The following CCDC33 variants were observed in gnomAD, a reference collection of about 807,000 sequenced individuals.
CCDC33 encodes the protein coiled-coil domain-containing protein 33.
Under a neutral mutation model 91.9 loss-of-function variants are expected in CCDC33, and 94 were observed. The ratio of observed to expected loss-of-function variants is 1.02; its 90% CI spans 0.87 to 1.21. The LOEUF (loss-of-function observed/expected upper bound fraction) is 1.21. Ranked by LOEUF, CCDC33 falls within the 50% of genes most tolerant of loss-of-function variation. The pLI, the probability that CCDC33 is intolerant of heterozygous loss-of-function variation, is 0.00. For synonymous variants in CCDC33, 396 were observed against 374.5 expected (o/e 1.06, Z -0.66); for missense variants, 940 against 935.5 (o/e 1.00, Z -0.06).
Position 74,272,889 on chromosome 15 carries a change from C to A in CCDC33, c.757C>A (p.Gln253Lys). 7.4e-6 allele frequency: 12 copies of A among 1,614,202 alleles called. No individual in the cohort carries two copies. The highest frequency in any genetic ancestry group is 1.0e-5 in the Non-Finnish European group (12 of 1,180,016). ...TCGCGTCAGCCAGAACGGATGCCCTCAGGTATGTCTCCTCCCCAGTGGTTC... is the reference window on the plus strand; with the variant it reads ...TCGCGTCAGCCAGAACGGATGCCCTAAGGTATGTCTCCTCCCCAGTGGTTC... Reference protein sequence around the residue: ...VPRVSQNGCPQLSKPGGPPEQ... With the variant: ...VPRVSQNGCPKLSKPGGPPEQ... The change falls in exon 7 of 19, where the codon CAG becomes AAG. Residue 253 changes from glutamine to lysine, a missense_variant and splice_region_variant. By Grantham distance (53) the Gln-to-Lys change is moderately conservative. Coordinates refer to ENST00000398814, the MANE Select transcript of CCDC33 (RefSeq NM_025055.5).
At chr15:74,203,089 C>T in exon 1 of CCDC33, 1 of 985,602 alleles carries the variant, frequency 1.0e-6, no homozygotes, top group Non-Finnish European at 1.2e-6. Flanking sequence ...AGCATTACAG[C>T]AACAACCGAG....
chr15:74,279,624 C>T (rs1316004280), intron 7 of CCDC33, among the ~76,000 whole-genome samples: 1 of 152,080 alleles, frequency 6.6e-6, no homozygotes, highest in Non-Finnish European at 1.5e-5. Context: ...CAACCTCTGC[C>T]CCCCCGGGTT....
At position 74,236,475 on chromosome 15, in the gene CCDC33, C is replaced by T. The variant is rs1488997951; in HGVS notation, c.-245C>T. On this transcript the variant is annotated 5_prime_UTR_variant, in exon 1 of 19. Transcript: ENST00000398814. The stretch of plus-strand genomic sequence containing the variant: ...AGGCCCTTCCACCCACAGACCATCT[C>T]GCTGCTGAGAGATCCAGGACCTGCT... 2.1e-6 allele frequency: 1 copy of T among 477,538 alleles called. No homozygotes were observed. Among genetic ancestry groups the T allele is most frequent in the South Asian group, 4.5e-5 (1 of 22,340 alleles). The allele number at this position is 477,538 out of a possible 1,614,324, so 29.6% of individuals were successfully genotyped here.
intron 2 of CCDC33, among the ~76,000 whole-genome samples, chr15:74,252,968 C>T (rs2075753868): frequency 6.6e-6 from 1 of 152,174 alleles, no homozygotes; most frequent in South Asian, 2.1e-4. Context: ...CCCAGCCAGA[C>T]CGAAGCCATA....
intron 11 of CCDC33, among the ~76,000 whole-genome samples, chr15:74,323,154 G>A (rs1365428211): frequency 6.6e-6 from 1 of 151,692 alleles, no homozygotes; most frequent in Admixed American, 6.6e-5. Flanking sequence ...CAACCTCACT[G>A]TCCCCTCAGA....
chr15:74,243,126 C>G (rs1025058900), intron 1 of CCDC33, among the ~76,000 whole-genome samples: 4 of 152,222 alleles, frequency 2.6e-5, no homozygotes, highest in Non-Finnish European at 5.9e-5. Flanking sequence ...GTAGGAAGCC[C>G]CCTGCATGGG....
chr15:74,230,421 C>T (rs923719469), intron 2 of CCDC33, among the ~76,000 whole-genome samples: 1 of 152,108 alleles, frequency 6.6e-6, no homozygotes, highest in Non-Finnish European at 1.5e-5. Context: ...TTATTCAGTC[C>T]CTTGTTACAC....
chr15:74,327,823 G>A (rs879765541), intron 11 of CCDC33, among the ~76,000 whole-genome samples: 3 of 152,158 alleles, frequency 2.0e-5, no homozygotes, highest in Non-Finnish European at 4.4e-5. Flanking sequence ...ACCCGGTTAT[G>A]GACAGGATCG....
At chr15:74,250,309 G>A (rs1555408241) in intron 2 of CCDC33, among the ~76,000 whole-genome samples, 1 of 152,136 alleles carries the variant, frequency 6.6e-6, no homozygotes, top group Non-Finnish European at 1.5e-5. Context: ...AAGTAAAGAG[G>A]ATTCCAGGCT....
upstream of CCDC33, among the ~76,000 whole-genome samples, chr15:74,215,354 T>C (rs1049164862): frequency 6.6e-6 from 1 of 152,124 alleles, no homozygotes; most frequent in African/African-American, 2.4e-5. Flanking sequence ...GAAAGTAGAA[T>C]GGTGGTTGCC....
chr15:74,249,314 G>A lies in CCDC33; in HGVS notation c.185+5166G>A, dbSNP rs142043070. ...ATCCTAGCTAACACAGTGAAACCCC[G>A]TCTCTACTAAAAATACAAAAAAAAT... On this transcript the variant is annotated intron_variant, in intron 2 of 18. Transcript: ENST00000398814. 7.1e-3 allele frequency among the ~76,000 whole-genome samples: 1,077 copies of A among 151,760 alleles called. 11 individuals carry two copies. Among genetic ancestry groups the A allele is most frequent in the African/African-American group, 0.024 (994 of 41,372 alleles).
chr15:74,327,139 C>A lies in CCDC33; in HGVS notation c.1291-3050C>A, dbSNP rs62003707. ...TCTCCATGCCCTGGGGGAGCCCTCTCTCTCAGAGAGCAGCCAGGCTTGGTG... is the reference window on the plus strand; with the variant it reads ...TCTCCATGCCCTGGGGGAGCCCTCTATCTCAGAGAGCAGCCAGGCTTGGTG... On this transcript the variant is annotated intron_variant, in intron 11 of 18. Transcript: ENST00000398814. Among the ~76,000 whole-genome samples, 755 of 152,212 alleles carry A rather than the reference C, an allele frequency of 5.0e-3. 6 individuals are homozygous for A. Among genetic ancestry groups the A allele is most frequent in the Non-Finnish European group, 5.2e-3 (355 of 67,998 alleles).
intron 2 of CCDC33, among the ~76,000 whole-genome samples, chr15:74,231,076 C>T (rs1197009260): frequency 6.6e-6 from 1 of 152,152 alleles, no homozygotes; most frequent in African/African-American, 2.4e-5. Context: ...GCCCAGTAGC[C>T]GTTTACTGAG....
intron 1 of CCDC33, among the ~76,000 whole-genome samples, chr15:74,207,194 G>C (rs1422196645): frequency 6.6e-6 from 1 of 152,132 alleles, no homozygotes; most frequent in Non-Finnish European, 1.5e-5. Flanking sequence ...AATCCTCAAA[G>C]GGCAAAGTGC....
chr15:74,331,434 AC>A, intron 15 of CCDC33, 138 bp downstream of exon 15: 1 of 841,386 alleles, frequency 1.2e-6, no homozygotes, highest in Non-Finnish European at 1.9e-6. Context: ...GGCCTGGGAG[AC>A]CCAGGATTGC....
intron 3 of CCDC33, 78 bp downstream of exon 3, chr15:74,262,651 T>C: frequency 1.3e-6 from 2 of 1,485,298 alleles, no homozygotes; most frequent in Non-Finnish European, 1.8e-6. Flanking sequence ...AGAAGCAGGC[T>C]CCCTCTCACT....
At chr15:74,205,782 A>G (rs1595868432) in intron 1 of CCDC33, among the ~76,000 whole-genome samples, 1 of 151,078 alleles carries the variant, frequency 6.6e-6, no homozygotes, top group African/African-American at 2.4e-5. Flanking sequence ...CAACAATACC[A>G]CCTCCCTCCT....
At chr15:74,253,943 G>A (rs1466637331) in intron 2 of CCDC33, among the ~76,000 whole-genome samples, 1 of 151,300 alleles carries the variant, frequency 6.6e-6, no homozygotes, top group African/African-American at 2.4e-5. Flanking sequence ...TCAAACTCCC[G>A]GCCTCAAGTG....
At chr15:74,239,693 T>G (rs2075285472) in intron 1 of CCDC33, among the ~76,000 whole-genome samples, 1 of 152,202 alleles carries the variant, frequency 6.6e-6, no homozygotes, top group Non-Finnish European at 1.5e-5. Flanking sequence ...CTAGCAGTGT[T>G]GGGTGGGTTA....
Sources: gnomAD v4.1 joint callset for allele counts (sites outside exome capture counted in the v4.1 genomes callset) on GRCh38, gnomAD v4.1.1 for gene constraint, MANE v1.5 for transcripts, NCBI Gene and HGNC (gene_info 2026-07-23, HGNC 2026-07-21) for gene names.